Variants in GREB1L observed in about 807,000 individuals in gnomAD.
GREB1L encodes the protein GREB1-like protein.
In GREB1L, 17 loss-of-function variants were observed where a neutral mutation model predicts 200.8. That is an observed-to-expected ratio of 0.08 (90% CI 0.06 to 0.13). The LOEUF (loss-of-function observed/expected upper bound fraction) is 0.13, where lower values mean the gene tolerates loss of function less well. GREB1L is among the 10% of genes least tolerant of loss of function. GREB1L has a pLI of 1.00. For synonymous variants in GREB1L, 789 were observed against 893.0 expected, an observed-to-expected ratio of 0.88 and a Z score of 2.08; for missense variants, 1,657 against 2,367.7, an observed-to-expected ratio of 0.70 and a Z score of 6.23.
intron 7 of GREB1L, among the ~76,000 whole-genome samples, chr18:21,439,312 G>T (rs2145228278): frequency 6.6e-6 from 1 of 152,254 alleles, no homozygotes; most frequent in South Asian, 2.1e-4. Context: ...ATCTCTTGGG[G>T]TCCTAGGAAA....
At chr18:21,372,666 A>G (rs946845477) in intron 2 of GREB1L, among the ~76,000 whole-genome samples, 4 of 152,058 alleles carry the variant, frequency 2.6e-5, no homozygotes, top group Non-Finnish European at 5.9e-5. Context: ...TCATGCCTAT[A>G]ATCCCAGCAC....
At chr18:21,307,243 C>G (rs2038715010) in intron 1 of GREB1L, among the ~76,000 whole-genome samples, 1 of 152,156 alleles carries the variant, frequency 6.6e-6, no homozygotes, top group Non-Finnish European at 1.5e-5. Flanking sequence ...ACAATAAAAG[C>G]TTTAGTTACA....
chr18:21,407,532 G>A (rs545262454), intron 7 of GREB1L, among the ~76,000 whole-genome samples: 6 of 152,186 alleles, frequency 3.9e-5, no homozygotes, highest in South Asian at 4.2e-4. Flanking sequence ...TGAGCAGACC[G>A]TTTTCTCATC....
At chr18:21,328,621 C>T (rs2039060547) in intron 1 of GREB1L, among the ~76,000 whole-genome samples, 1 of 152,062 alleles carries the variant, frequency 6.6e-6, no homozygotes, top group Non-Finnish European at 1.5e-5. Context: ...TGGACCTGCT[C>T]CTTTCTTAGC....
At position 21,384,346 on chromosome 18, in the gene GREB1L, A is replaced by G. The variant is rs1267468675; in HGVS notation, c.298A>G (p.Ser100Gly). The G allele has an allele frequency of 1.4e-5, 21 of 1,551,974 alleles. No homozygotes were observed. The highest frequency in any genetic ancestry group is 1.8e-5 in the Non-Finnish European group (21 of 1,147,032). The change falls in exon 4 of 33, where the codon AGC (serine) becomes GGC (glycine). Residue 100 changes from serine to glycine, a missense_variant. Transcript: ENST00000424526. The part of the protein sequence containing the change: ...EDDEEMSDSN[S>G]PPIPYSQKPA... ...CGATGAAGAAATGTCTGATTCAAAC[A>G]GCCCACCAATTCCCTATTCACAAAA...
At chr18:21,283,655 ATCTAGGAAACACC>A (rs976158046) in intron 1 of GREB1L, among the ~76,000 whole-genome samples, 70 of 152,358 alleles carry the variant, frequency 4.6e-4, no homozygotes, top group African/African-American at 1.6e-3. Flanking sequence ...AGTTCTCAGC[ATCTAGGAAACACC>A]TCTAGGAAAC....
At chr18:21,452,373 G>C in intron 14 of GREB1L, 156 bp downstream of exon 14, 1 of 705,670 alleles carries the variant, frequency 1.4e-6, no homozygotes, top group East Asian at 2.8e-5. Flanking sequence ...AATTAAAAAT[G>C]CTTTCCCATG....
At chr18:21,463,300 C>A (rs1446247415) in intron 15 of GREB1L, among the ~76,000 whole-genome samples, 1 of 151,650 alleles carries the variant, frequency 6.6e-6, no homozygotes, top group Non-Finnish European at 1.5e-5. Flanking sequence ...CGCCCGCCAC[C>A]GCGCCTGGCT....
intron 27 of GREB1L, among the ~76,000 whole-genome samples, chr18:21,508,925 T>C (rs142387842): frequency 1.3e-5 from 2 of 152,016 alleles, no homozygotes; most frequent in East Asian, 3.9e-4. Flanking sequence ...AATGTAACCA[T>C]GAGAAAAAAG....
chr18:21,384,676 G>A (rs1401519987), intron 4 of GREB1L, among the ~76,000 whole-genome samples: 1 of 152,054 alleles, frequency 6.6e-6, no homozygotes, highest in Non-Finnish European at 1.5e-5. Context: ...AATTGCAGAG[G>A]CAATTCTAAA....
At chr18:21,464,694 G>A (rs1568033349) in intron 15 of GREB1L, among the ~76,000 whole-genome samples, 1 of 152,010 alleles carries the variant, frequency 6.6e-6, no homozygotes, top group Non-Finnish European at 1.5e-5. Flanking sequence ...ATCAAAATTT[G>A]GCATCTCCAG....
intron 8 of GREB1L, 79 bp downstream of exon 8, chr18:21,439,716 C>CT (rs2033789779): frequency 1.1e-6 from 1 of 894,378 alleles, no homozygotes; most frequent in African/African-American, 1.6e-5. Flanking sequence ...AATGAATTAT[C>CT]TGGCAACACA....
chr18:21,477,785 C>CA (rs560513738), intron 17 of GREB1L, among the ~76,000 whole-genome samples: 30,259 of 107,216 alleles, frequency 0.28, 3,610 homozygotes, highest in East Asian at 0.49. Context: ...GACTCCGTCT[C>CA]AAAAAAAAAA....
At chr18:21,248,324 A>G (rs1452397477) in intron 1 of GREB1L, among the ~76,000 whole-genome samples, 2 of 152,184 alleles carry the variant, frequency 1.3e-5, no homozygotes, top group African/African-American at 4.8e-5. Context: ...TTGATTTTTC[A>G]GGTGAAGCTA....
chr18:21,306,026 C>A (rs1236059256), intron 1 of GREB1L, among the ~76,000 whole-genome samples: 1 of 152,106 alleles, frequency 6.6e-6, no homozygotes, highest in East Asian at 1.9e-4. Context: ...AATTTTTATC[C>A]CATTACCTTA....
intron 17 of GREB1L, 141 bp from the exon 18 acceptor site, chr18:21,485,479 G>A: frequency 1.5e-6 from 1 of 657,188 alleles, no homozygotes; most frequent in South Asian, 2.7e-5. Flanking sequence ...TTGGTGTCGG[G>A]TTACATAATG....
At chr18:21,431,919 C>CTTT (rs773523492) in intron 7 of GREB1L, among the ~76,000 whole-genome samples, 54 of 91,256 alleles carry the variant, frequency 5.9e-4, no homozygotes, top group Middle Eastern at 7.9e-3. Context: ...CTTTTCTTTT[C>CTTT]TTTTTTTTTT....
chr18:21,476,658 C>T (rs1835329617), intron 16 of GREB1L, among the ~76,000 whole-genome samples: 1 of 152,016 alleles, frequency 6.6e-6, no homozygotes, highest in Admixed American at 6.6e-5. Context: ...CCACCTCCTC[C>T]TCCTGGTTCA....
chr18:21,390,130 T>A (rs1275009945), intron 4 of GREB1L, among the ~76,000 whole-genome samples: 1 of 152,226 alleles, frequency 6.6e-6, no homozygotes, highest in Non-Finnish European at 1.5e-5. Context: ...TACTCATGTG[T>A]TTGTGGTGAT....
Sources: allele counts gnomAD v4.1 joint callset (sites outside exome capture counted in the v4.1 genomes callset), GRCh38; gene constraint gnomAD v4.1.1; transcripts MANE v1.5; gene names NCBI Gene and HGNC (gene_info 2026-07-23, HGNC 2026-07-21).